Variants in RNF121 observed in about 807,000 individuals in gnomAD.
RNF121 encodes E3 ubiquitin ligase RNF121.
Under a neutral mutation model 46.5 loss-of-function variants are expected in RNF121, and 21 were observed. That is an observed-to-expected ratio of 0.45 (90% CI 0.32 to 0.65). The LOEUF (loss-of-function observed/expected upper bound fraction) is 0.65. RNF121 is among the 30% of genes least tolerant of loss of function. The pLI, the probability that RNF121 is intolerant of heterozygous loss-of-function variation, is 0.04. For missense variants in RNF121, 346 were observed against 416.0 expected (o/e 0.83, Z 1.46); for synonymous variants, 139 against 144.7 (o/e 0.96, Z 0.28).
At chr11:71,975,974 A>G (rs1035069844) in intron 3 of RNF121, among the ~76,000 whole-genome samples, 1 of 151,908 alleles carries the variant, frequency 6.6e-6, no homozygotes, top group African/African-American at 2.4e-5. Context: ...GAGGGAAACA[A>G]CTCCAACCGT....
rs1211225962 is a variant in RNF121, at chr11:71,996,649, GA to G, written c.*335del. 1 of 227,834 alleles carries G rather than the reference GA, an allele frequency of 4.4e-6. No individual in the cohort carries two copies. The highest frequency in any genetic ancestry group is 2.3e-5 in the African/African-American group (1 of 43,744). The allele number at this position is 227,834 out of a possible 1,614,324, so 14.1% of individuals were successfully genotyped here. On this transcript the variant is annotated 3_prime_UTR_variant, in exon 9 of 9. Transcript: ENST00000361756. The stretch of plus-strand genomic sequence containing the variant: ...GAGCCATGACATTTTTGGTTTAAAG[GA>G]GCCTTCTCATCTCTGGCCGAGAACA...
At chr11:71,933,379 A>G (rs1953322755) in intron 1 of RNF121, among the ~76,000 whole-genome samples, 1 of 152,230 alleles carries the variant, frequency 6.6e-6, no homozygotes, top group African/African-American at 2.4e-5. Flanking sequence ...GCCTGCAGCT[A>G]ACTTGAGGTA....
chr11:71,947,502 G>A (rs1953755195), intron 1 of RNF121, among the ~76,000 whole-genome samples: 1 of 150,684 alleles, frequency 6.6e-6, no homozygotes, highest in South Asian at 2.1e-4. Flanking sequence ...AAAAGGAATT[G>A]GGCAGTGAAG....
At position 71,957,269 on chromosome 11, in the gene RNF121, G is replaced by A. The variant is rs746511310; in HGVS notation, c.101+5G>A. The A allele has an allele frequency of 6.3e-7, 1 of 1,588,680 alleles. No individual in the cohort carries two copies. Among genetic ancestry groups the A allele is most frequent in the Non-Finnish European group, 8.6e-7 (1 of 1,156,974 alleles). ...CTCTCCAGAAGAGCAATGGAGGTAA[G>A]TGTGGTAGTTCGGGCCCTGCAGTCT... is the stretch of plus-strand genomic sequence containing the variant. On this transcript the variant is annotated splice_donor_5th_base_variant and intron_variant, in intron 2 of 8. Transcript: ENST00000361756.
At chr11:71,937,811 C>G (rs1953456181) in intron 1 of RNF121, among the ~76,000 whole-genome samples, 1 of 152,210 alleles carries the variant, frequency 6.6e-6, no homozygotes, top group African/African-American at 2.4e-5. Context: ...GGTCTGAAAT[C>G]TTACTCCATG....
At chr11:71,990,265 TATGTA>T (rs1458098826) in intron 5 of RNF121, among the ~76,000 whole-genome samples, 2 of 152,190 alleles carry the variant, frequency 1.3e-5, no homozygotes, top group Non-Finnish European at 2.9e-5. Context: ...GAGTCCCCAC[TATGTA>T]GGTCCCGATG....
intron 1 of RNF121, among the ~76,000 whole-genome samples, chr11:71,935,258 C>T (rs984228344): frequency 6.6e-6 from 1 of 152,164 alleles, no homozygotes; most frequent in Non-Finnish European, 1.5e-5. Context: ...TAATTTAATA[C>T]CATAACCTTA....
chr11:71,938,006 T>C (rs762510219), intron 1 of RNF121, among the ~76,000 whole-genome samples: 9 of 152,200 alleles, frequency 5.9e-5, no homozygotes, highest in African/African-American at 9.7e-5. Flanking sequence ...CATGGGGCTT[T>C]TGGCCCTGGG....
intron 3 of RNF121, among the ~76,000 whole-genome samples, chr11:71,974,077 G>T (rs2134194578): frequency 6.6e-6 from 1 of 152,136 alleles, no homozygotes; most frequent in South Asian, 2.1e-4. Flanking sequence ...GAGTAGCTGG[G>T]ACTACAGGTG....
chr11:71,978,095 T>A, intron 3 of RNF121: 1 of 331,278 alleles, frequency 3.0e-6, no homozygotes, highest in Non-Finnish European at 6.1e-6. Flanking sequence ...GAGGTGGGGT[T>A]TCACCGTGTT....
chr11:71,929,215 G>C, intron 1 of RNF121, 91 bp downstream of exon 1: 1 of 1,483,514 alleles, frequency 6.7e-7, no homozygotes, highest in South Asian at 1.3e-5. Context: ...TAGGAGAGAA[G>C]GGAAAGATCC....
chr11:71,944,660 A>G (rs1481197783), intron 1 of RNF121, among the ~76,000 whole-genome samples: 1 of 152,180 alleles, frequency 6.6e-6, no homozygotes, highest in Non-Finnish European at 1.5e-5. Context: ...GTAGTCTACT[A>G]AGGAGTTCTT....
At chr11:71,942,484 C>T (rs994440543) in intron 1 of RNF121, among the ~76,000 whole-genome samples, 5 of 151,882 alleles carry the variant, frequency 3.3e-5, no homozygotes, top group Admixed American at 6.6e-5. Context: ...GAAATTTAGC[C>T]GGGCACAGTG....
chr11:71,989,374 G>A (rs1285303623), intron 5 of RNF121, among the ~76,000 whole-genome samples: 5 of 152,102 alleles, frequency 3.3e-5, no homozygotes, highest in African/African-American at 9.7e-5. Context: ...GAGCCACCAC[G>A]CCTGGCCTCT....
At chr11:71,950,312 C>T (rs1953841964) in intron 1 of RNF121, among the ~76,000 whole-genome samples, 1 of 151,954 alleles carries the variant, frequency 6.6e-6, no homozygotes. Flanking sequence ...TAGCCAGGCA[C>T]GGTGGCTCAC....
intron 3 of RNF121, among the ~76,000 whole-genome samples, chr11:71,966,064 G>C (rs145885358): frequency 0.02 from 3,065 of 152,240 alleles, 35 homozygotes; most frequent in Middle Eastern, 0.065. Context: ...TTGTTGCCCA[G>C]GCTGGAGTGC....
chr11:71,950,142 A>G (rs750778348), intron 1 of RNF121, among the ~76,000 whole-genome samples: 3 of 152,198 alleles, frequency 2.0e-5, no homozygotes, highest in Non-Finnish European at 4.4e-5. Flanking sequence ...ATTGTCTGAA[A>G]TGCTAGGTTG....
intron 1 of RNF121, among the ~76,000 whole-genome samples, chr11:71,929,402 T>C (rs960266106): frequency 6.6e-6 from 1 of 151,906 alleles, no homozygotes; most frequent in South Asian, 2.1e-4. Flanking sequence ...TTGTGATTAC[T>C]AGCTGGGTGT....
intron 1 of RNF121, among the ~76,000 whole-genome samples, chr11:71,946,110 T>TAAAAA (rs1299914597): frequency 7.3e-5 from 11 of 151,132 alleles, no homozygotes; most frequent in South Asian, 2.1e-4. Context: ...GACTCTGCCT[T>TAAAAA]AAAAAAGAAA....
Sources: gnomAD v4.1 joint callset for allele counts (sites outside exome capture counted in the v4.1 genomes callset) on GRCh38, gnomAD v4.1.1 for gene constraint, MANE v1.5 for transcripts, NCBI Gene and HGNC (gene_info 2026-07-23, HGNC 2026-07-21) for gene names.